Variants in ITGA11 observed in about 807,000 individuals in gnomAD.
ITGA11 encodes the protein integrin subunit alpha 11.
Under a neutral mutation model 141.9 loss-of-function variants are expected in ITGA11, and 97 were observed. That is an observed-to-expected ratio of 0.68 (90% CI 0.58 to 0.81). The LOEUF is 0.81. Ranked by LOEUF, ITGA11 falls within the 30% of genes least tolerant of loss-of-function variation. The pLI is 0.00. For synonymous variants in ITGA11, 658 were observed against 624.6 expected (o/e 1.05, Z -0.80); for missense variants, 1,387 against 1,559.2 (o/e 0.89, Z 1.86).
At chr15:68,348,995 G>T in intron 9 of ITGA11, 95 bp from the exon 10 acceptor site, 2 of 1,085,712 alleles carry the variant, frequency 1.8e-6, no homozygotes, top group Non-Finnish European at 2.7e-6. Context: ...CTTCCTGGGG[G>T]CATCGTCAGG....
rs531204599 is a variant in ITGA11 at position 68,391,791 on chromosome 15, T to G, written c.164+11127A>C. The stretch of plus-strand genomic sequence containing the variant: ...ATTAATGTTGCCTCCCTAACTGGTC[T>G]GTGACTTATTTGAGAGTGAAACCAC... On this transcript the variant is annotated intron_variant, in intron 2 of 29. Coordinates refer to ENST00000315757, the MANE Select transcript of ITGA11 (RefSeq NM_001004439.2). Among the ~76,000 whole-genome samples the G allele has an allele frequency of 7.9e-5, 12 of 152,388 alleles. No individual in the cohort carries two copies. The East Asian group carries it at 2.3e-3, about 29-fold the overall frequency.
At chr15:68,414,566 G>A (rs1321910506) in intron 1 of ITGA11, among the ~76,000 whole-genome samples, 2 of 152,156 alleles carry the variant, frequency 1.3e-5, no homozygotes, top group Non-Finnish European at 2.9e-5. Context: ...AGGAAGTAGG[G>A]CCAGGTGGTC....
At chr15:68,386,876 C>T (rs1308770319) in intron 2 of ITGA11, among the ~76,000 whole-genome samples, 1 of 152,146 alleles carries the variant, frequency 6.6e-6, no homozygotes, top group Non-Finnish European at 1.5e-5. Flanking sequence ...GCTGATGAGA[C>T]TAAAGACACT....
chr15:68,406,119 T>C (rs1163977630), intron 1 of ITGA11, among the ~76,000 whole-genome samples: 6 of 152,218 alleles, frequency 3.9e-5, no homozygotes, highest in African/African-American at 1.4e-4. Context: ...CCAGTGAAGG[T>C]GAAGCCACAG....
At chr15:68,345,999 G>C (rs1445517514) in intron 10 of ITGA11, among the ~76,000 whole-genome samples, 1 of 152,196 alleles carries the variant, frequency 6.6e-6, no homozygotes, top group Non-Finnish European at 1.5e-5. Flanking sequence ...TAATACTAAA[G>C]AGTCTCAGAT....
intron 4 of ITGA11, 78 bp from the exon 5 acceptor site, chr15:68,361,782 C>G (rs1201151079): frequency 1.0e-6 from 1 of 955,910 alleles, no homozygotes; most frequent in African/African-American, 1.6e-5. Flanking sequence ...GAGGCCCACT[C>G]CCATCCTCCA....
rs1893255209 is a variant in ITGA11 at position 68,307,916 on chromosome 15, A to G, written c.3175-220T>C. ...TCTGATGCTCCACTTGAAGCTGTACATTGTGACCGGCCTGGATATATTCCA... is the reference window on the plus strand; with the variant it reads ...TCTGATGCTCCACTTGAAGCTGTACGTTGTGACCGGCCTGGATATATTCCA... On this transcript the variant is annotated intron_variant, in intron 26 of 29. Transcript: ENST00000315757. The surrounding 1 kb of genome is among the most constrained non-coding windows in gnomAD (Gnocchi z 6.1). Among the ~76,000 whole-genome samples, 1 of 152,214 alleles carries G rather than the reference A, an allele frequency of 6.6e-6. No individual in the cohort carries two copies. The highest frequency in any genetic ancestry group is 1.5e-5 in the Non-Finnish European group (1 of 68,040).
chr15:68,319,966 T>C (rs1893738168), intron 20 of ITGA11, among the ~76,000 whole-genome samples: 2 of 152,172 alleles, frequency 1.3e-5, no homozygotes. Context: ...ACTTTATATA[T>C]TTTTGTAGAG....
chr15:68,378,810 A>T (rs916864100), intron 2 of ITGA11, among the ~76,000 whole-genome samples: 6 of 152,286 alleles, frequency 3.9e-5, no homozygotes, highest in African/African-American at 1.4e-4. Flanking sequence ...GCTTGGGCAC[A>T]CACCTGTTGA....
rs527737981 is a variant in ITGA11 at position 68,317,465 on chromosome 15, G to A, written c.2617-102C>T. 310 of 818,246 alleles carry A rather than the reference G, an allele frequency of 3.8e-4. 2 individuals are homozygous for A. In the East Asian group the frequency reaches 5.5e-3, roughly 15 times the overall value. The allele number at this position is 818,246 out of a possible 1,614,324, so 50.7% of individuals were successfully genotyped here. ...GCCTGCACCCCACTCTGCAGGGGCCGCCTCAGCCCCTGATACCCATATGAA... is the reference window on the plus strand; with the variant it reads ...GCCTGCACCCCACTCTGCAGGGGCCACCTCAGCCCCTGATACCCATATGAA... On this transcript the variant is annotated intron_variant, in intron 20 of 29. Transcript: ENST00000315757.
At chr15:68,348,517 G>T (rs2306021) in intron 10 of ITGA11, among the ~76,000 whole-genome samples, 2 of 152,198 alleles carry the variant, frequency 1.3e-5, no homozygotes, top group Non-Finnish European at 2.9e-5. Flanking sequence ...TAGTCCATTC[G>T]CTTCTAAAGA....
intron 1 of ITGA11, among the ~76,000 whole-genome samples, chr15:68,418,834 G>A (rs958780808): frequency 6.6e-6 from 1 of 151,548 alleles, no homozygotes; most frequent in African/African-American, 2.4e-5. Context: ...CTTGTCATGG[G>A]TGTGTGGATC....
At chr15:68,310,354 C>T (rs1893341559) in intron 26 of ITGA11, among the ~76,000 whole-genome samples, 1 of 152,194 alleles carries the variant, frequency 6.6e-6, no homozygotes, top group Admixed American at 6.5e-5. Flanking sequence ...GCAAAGCCCA[C>T]TACCCTCAGT....
In ITGA11 at chr15:68,326,644, G is replaced by A; in HGVS notation, c.2211+10C>T. 1 of 1,582,574 alleles carries A rather than the reference G, an allele frequency of 6.3e-7. No individual in the cohort carries two copies. The highest frequency in any genetic ancestry group is 1.2e-5 in the South Asian group (1 of 85,770). On this transcript the variant is annotated intron_variant, in intron 17 of 29. Transcript: ENST00000315757. This position sits in a 1 kb window ranked among gnomAD's most constrained non-coding sequence, Gnocchi z 6.8. The stretch of plus-strand genomic sequence containing the variant: ...GAGCTTGGGCTCTGCTGGTGGGGCT[G>A]CCAGCTTACCAGGACATGGAAGTTG...
chr15:68,334,830 C>T (rs1894293433), intron 12 of ITGA11, among the ~76,000 whole-genome samples: 1 of 152,196 alleles, frequency 6.6e-6, no homozygotes, highest in Admixed American at 6.5e-5. Flanking sequence ...CAAGGTCTAG[C>T]CCTCGATTCC....
At chr15:68,414,326 G>A (rs1896840352) in intron 1 of ITGA11, among the ~76,000 whole-genome samples, 1 of 152,178 alleles carries the variant, frequency 6.6e-6, no homozygotes, top group Non-Finnish European at 1.5e-5. Context: ...GGACGGGGCT[G>A]GAGGGCAGAA....
At chr15:68,408,748 C>G (rs1896703527) in intron 1 of ITGA11, among the ~76,000 whole-genome samples, 1 of 152,150 alleles carries the variant, frequency 6.6e-6, no homozygotes, top group African/African-American at 2.4e-5. Context: ...AAGAAGAGAA[C>G]AGCCTACCTG....
rs1318496654 is a variant in ITGA11, at chr15:68,400,806, ATAT to A, written c.164+2109_164+2111del. Among the ~76,000 whole-genome samples the A allele has an allele frequency of 6.1e-4, 24 of 39,348 alleles. 4 individuals are homozygous for A. Among genetic ancestry groups the A allele is most frequent in the African/African-American group, 2.8e-3 (21 of 7,434 alleles). The allele number at this position is 39,348 out of a possible 152,430, so 25.8% of individuals were successfully genotyped here. Reference sequence around the variant, plus strand: ...TATTATATTATATATTATATAATAAATATTATAATATTATATATTATATAATAA... The same window carrying A: ...TATTATATTATATATTATATAATAAATATAATATTATATATTATATAATAA... On this transcript the variant is annotated intron_variant, in intron 2 of 29. Transcript: ENST00000315757.
chr15:68,410,074 C>T (rs1595895932), intron 1 of ITGA11, among the ~76,000 whole-genome samples: 1 of 152,220 alleles, frequency 6.6e-6, no homozygotes, highest in Admixed American at 6.5e-5. Context: ...ACTGTTGACT[C>T]CTTGATCACA....
Sources: gnomAD v4.1 joint callset for allele counts (sites outside exome capture counted in the v4.1 genomes callset) on GRCh38, gnomAD v4.1.1 for gene constraint, Gnocchi (gnomAD v3.1) non-coding constraint, MANE v1.5 for transcripts, NCBI Gene and HGNC (gene_info 2026-07-23, HGNC 2026-07-21) for gene names.